The following PACRG variants were observed in gnomAD, a reference collection of about 807,000 sequenced individuals.
PACRG encodes parkin coregulated gene protein.
In PACRG, 29 loss-of-function variants were observed where a neutral mutation model predicts 29.7. The ratio of observed to expected loss-of-function variants is 0.98; its 90% confidence interval spans 0.73 to 1.33. The LOEUF is 1.33. Ranked by LOEUF, PACRG falls within the 40% of genes most tolerant of loss-of-function variation. The pLI is 0.00. For synonymous variants in PACRG, 116 were observed against 118.7 expected (o/e 0.98, Z 0.15); for missense variants, 279 against 316.2 (o/e 0.88, Z 0.89).
intron 4 of PACRG, among the ~76,000 whole-genome samples, chr6:163,304,640 A>C (rs1014331775): frequency 5.3e-5 from 8 of 152,250 alleles, no homozygotes; most frequent in African/African-American, 1.9e-4. Flanking sequence ...AAGAGGGAGT[A>C]ACATTAGCCC....
At chr6:162,751,281 G>A (rs1781497659) in intron 1 of PACRG, among the ~76,000 whole-genome samples, 1 of 151,926 alleles carries the variant, frequency 6.6e-6, no homozygotes, top group Non-Finnish European at 1.5e-5. Context: ...AAAAATCAAA[G>A]AAGAAAAAAT....
intron 4 of PACRG, among the ~76,000 whole-genome samples, chr6:163,222,782 A>G (rs1781641512): frequency 6.6e-6 from 1 of 152,180 alleles, no homozygotes. Context: ...GACATCAGAT[A>G]AATAAACAGT....
At chr6:163,121,045 CA>C (rs1360059873) in intron 4 of PACRG, among the ~76,000 whole-genome samples, 2 of 152,144 alleles carry the variant, frequency 1.3e-5, no homozygotes, top group African/African-American at 2.4e-5. Flanking sequence ...TTTCTATGGT[CA>C]AAGTCATAAC....
chr6:163,178,500 CT>C (rs751884687), intron 4 of PACRG, among the ~76,000 whole-genome samples: 90 of 152,262 alleles, frequency 5.9e-4, no homozygotes, highest in Non-Finnish European at 1.1e-3. Context: ...ATGCAGGAAA[CT>C]TTAGTATTAA....
intron 2 of PACRG, among the ~76,000 whole-genome samples, chr6:162,922,113 G>A (rs150041223): frequency 9.2e-5 from 14 of 151,968 alleles, no homozygotes; most frequent in South Asian, 2.1e-4. Context: ...ACATGTGTGG[G>A]CCGGTGTTGG....
intron 2 of PACRG, among the ~76,000 whole-genome samples, chr6:163,006,211 T>TATATATATATGTATATATATATATATCAC (rs1295482774): frequency 1.9e-5 from 1 of 52,430 alleles, no homozygotes; most frequent in African/African-American, 6.3e-5. Flanking sequence ...ATATATCCCA[T>TATATATATATGTATATATATATATATCAC]ATATATATAT....
intron 4 of PACRG, among the ~76,000 whole-genome samples, chr6:163,302,941 A>C (rs1486076898): frequency 2.0e-5 from 3 of 152,230 alleles, no homozygotes; most frequent in Non-Finnish European, 4.4e-5. Flanking sequence ...GATGGTGAGC[A>C]CTGGGATGGC....
chr6:162,964,211 T>C (rs1800852207), intron 2 of PACRG, among the ~76,000 whole-genome samples: 1 of 152,188 alleles, frequency 6.6e-6, no homozygotes. Flanking sequence ...ACAAACTAGA[T>C]AACTTAGGGC....
chr6:163,311,451 A>AT (rs1334974466), intron 4 of PACRG, among the ~76,000 whole-genome samples: 1 of 152,164 alleles, frequency 6.6e-6, no homozygotes, highest in Non-Finnish European at 1.5e-5. Flanking sequence ...TCACAAACGT[A>AT]TTTTTCACGT....
rs536248949 is a variant in PACRG at position 162,745,145 on chromosome 6, C to T, written c.156+16754C>T. ...GAAGATATATATCATTTTGCTTCTG[C>T]TTCCTTAGTAAGAATTGACTTAAAA... is the stretch of plus-strand genomic sequence containing the variant. On this transcript the variant is annotated intron_variant, in intron 1 of 4. Transcript: ENST00000366888. Among the ~76,000 whole-genome samples the T allele has an allele frequency of 2.0e-5, 3 of 152,196 alleles. No homozygotes were observed. In the South Asian group the frequency reaches 6.2e-4, roughly 32 times the overall value.
At chr6:163,200,134 A>G (rs1780636513) in intron 4 of PACRG, among the ~76,000 whole-genome samples, 1 of 152,196 alleles carries the variant, frequency 6.6e-6, no homozygotes, top group South Asian at 2.1e-4. Flanking sequence ...TGCTTTGATA[A>G]AGACTGGCAA....
At chr6:163,005,940 AAC>A (rs1805043735) in intron 2 of PACRG, among the ~76,000 whole-genome samples, 2 of 141,442 alleles carry the variant, frequency 1.4e-5, no homozygotes, top group South Asian at 4.2e-4. Flanking sequence ...TAACATGTAT[AAC>A]AGTTATACAT....
chr6:163,275,536 T>G (rs1215641194), intron 4 of PACRG, among the ~76,000 whole-genome samples: 1 of 152,246 alleles, frequency 6.6e-6, no homozygotes, highest in Non-Finnish European at 1.5e-5. Flanking sequence ...GACTTTTTAT[T>G]TGAAGAACAG....
chr6:163,017,903 GAC>G (rs1310875355), intron 2 of PACRG, among the ~76,000 whole-genome samples: 1 of 151,700 alleles, frequency 6.6e-6, no homozygotes, highest in Non-Finnish European at 1.5e-5. Context: ...ATTTTTATGT[GAC>G]ACTGTATTTA....
chr6:162,863,107 C>T (rs1791999701), intron 2 of PACRG, among the ~76,000 whole-genome samples: 1 of 152,208 alleles, frequency 6.6e-6, no homozygotes, highest in Non-Finnish European at 1.5e-5. Context: ...CTCAAGGGCC[C>T]TGCACACACT....
chr6:163,043,572 C>T (rs16894374), intron 2 of PACRG, among the ~76,000 whole-genome samples: 4,218 of 151,872 alleles, frequency 0.028, 216 homozygotes, highest in African/African-American at 0.097. Context: ...ATCATCAGTT[C>T]GAGACTATAG....
chr6:163,264,869 G>C (rs531204031), intron 4 of PACRG, among the ~76,000 whole-genome samples: 1 of 152,144 alleles, frequency 6.6e-6, no homozygotes, highest in African/African-American at 2.4e-5. Context: ...CGAGTCTTTC[G>C]CAAGTATGTA....
At chr6:163,014,265 A>G (rs1805879202) in intron 2 of PACRG, among the ~76,000 whole-genome samples, 1 of 152,190 alleles carries the variant, frequency 6.6e-6, no homozygotes, top group Non-Finnish European at 1.5e-5. Flanking sequence ...ACTGATGGGC[A>G]ACTAGGTTGA....
chr6:162,908,966 C>T (rs1362443933), intron 2 of PACRG, among the ~76,000 whole-genome samples: 2 of 152,122 alleles, frequency 1.3e-5, no homozygotes, highest in South Asian at 2.1e-4. Flanking sequence ...CCAGAGTGAC[C>T]CCTCTAGAAC....
Sources: allele counts gnomAD v4.1 joint callset (sites outside exome capture counted in the v4.1 genomes callset), GRCh38; gene constraint gnomAD v4.1.1; transcripts MANE v1.5; gene names NCBI Gene and HGNC (gene_info 2026-07-23, HGNC 2026-07-21).